CADM4: variants seen among roughly 807,000 people sequenced by gnomAD.
The protein encoded by CADM4 is TSLC1-like 2.
CADM4 carries 13 observed loss-of-function variants against 43.9 expected under a neutral mutation model. The ratio of observed to expected loss-of-function variants is 0.30; its 90% CI spans 0.19 to 0.47. The LOEUF (loss-of-function observed/expected upper bound fraction) is 0.47, where lower values mean the gene tolerates loss of function less well. CADM4 is among the 20% of genes least tolerant of loss of function. The pLI is 1.00. For synonymous variants in CADM4, 209 were observed against 220.9 expected, an observed-to-expected ratio of 0.95 and a Z score of 0.48; for missense variants, 420 against 527.0, an observed-to-expected ratio of 0.80 and a Z score of 1.99.
chr19:43,635,173 A>G (rs1331847388), intron 1 of CADM4, among the ~76,000 whole-genome samples: 1 of 151,874 alleles, frequency 6.6e-6, no homozygotes, highest in Non-Finnish European at 1.5e-5. Flanking sequence ...TGAGTCAGCG[A>G]ATACCCAAGG....
chr19:43,627,627 T>A lies in CADM4; in HGVS notation c.211+17A>T. Reference sequence around the variant, plus strand: ...TCTCTTCCTTTAAGACTCCTGAGTCTGGTCCCCAGCACTCACCACGGGTGC... The same window carrying A: ...TCTCTTCCTTTAAGACTCCTGAGTCAGGTCCCCAGCACTCACCACGGGTGC... On this transcript the variant is annotated intron_variant, in intron 2 of 8. Coordinates refer to ENST00000222374, the MANE Select transcript of CADM4 (RefSeq NM_145296.2). The surrounding 1 kb of genome is among the most constrained non-coding windows in gnomAD (Gnocchi z 4.0). The A allele has an allele frequency of 6.2e-7, 1 of 1,608,318 alleles. No individual in the cohort carries two copies. The highest frequency in any genetic ancestry group is 8.5e-7 in the Non-Finnish European group (1 of 1,175,392).
Position 43,624,155 on chromosome 19 carries a change from CAT to C in CADM4, c.1014_1015del (p.Ile338MetfsTer27). 6.2e-7 allele frequency: 1 copy of C among 1,614,226 alleles called. No homozygotes were observed. The highest frequency in any genetic ancestry group is 8.5e-7 in the Non-Finnish European group (1 of 1,180,050). The stretch of plus-strand genomic sequence containing the variant: ...GCACCAGACCATGCCCACTAGCACA[CAT>C]ATGATCAGAAACACCAGCAGCGCCA... On this transcript the variant is annotated frameshift_variant, in exon 8 of 9. Transcript: ENST00000222374. LOFTEE classifies it high-confidence loss of function.
At chr19:43,635,237 TCC>T (rs781183515) in intron 1 of CADM4, among the ~76,000 whole-genome samples, 1 of 151,896 alleles carries the variant, frequency 6.6e-6, no homozygotes, top group Non-Finnish European at 1.5e-5. Context: ...CTGTATCCGC[TCC>T]CCAGGGGGCT....
rs1973469703 is a variant in CADM4, at chr19:43,623,349, T to C, written c.1148A>G (p.Lys383Arg). The change falls in exon 9 of 9, where the codon AAA becomes AGA. Residue 383 changes from lysine (K) to arginine (R), a missense_variant. Transcript: ENST00000222374. This position sits in a 1 kb window ranked among gnomAD's most constrained non-coding sequence, Gnocchi z 4.4. The stretch of plus-strand genomic sequence containing the variant: ...ATAGGGTCAGATGAAGAATTCCTCT[T>C]TCCTCTTGTGTCCGTCGCTGCCATT... ...FLNGSDGHKRKEEFFI is the reference protein window; with the variant it reads ...FLNGSDGHKRREEFFI The C allele has an allele frequency of 6.2e-7, 1 of 1,613,900 alleles. No homozygotes were observed. The highest frequency in any genetic ancestry group is 8.5e-7 in the Non-Finnish European group (1 of 1,179,944).
chr19:43,627,792 T>C lies in CADM4; in HGVS notation c.65-2A>G. The C allele has an allele frequency of 6.2e-7, 1 of 1,605,642 alleles. No homozygotes were observed. The highest frequency in any genetic ancestry group is 8.5e-7 in the Non-Finnish European group (1 of 1,173,734). Reference sequence around the variant, plus strand: ...CTGTCTGTACTTCCTGTCCTGCCCCTGGACGATTAGACAAAGAGACAGGAT... The same window carrying C: ...CTGTCTGTACTTCCTGTCCTGCCCCCGGACGATTAGACAAAGAGACAGGAT... On this transcript the variant is annotated splice_acceptor_variant, in intron 1 of 8. Transcript: ENST00000222374. LOFTEE classifies it high-confidence loss of function. This position sits in a 1 kb window ranked among gnomAD's most constrained non-coding sequence, Gnocchi z 4.0.
At position 43,627,443 on chromosome 19, in the gene CADM4, G is replaced by A. The variant is rs542537933; in HGVS notation, c.212-125C>T. 2.1e-3 allele frequency: 2,656 copies of A among 1,285,624 alleles called. 6 individuals carry two copies. The highest frequency in any genetic ancestry group is 2.3e-3 in the Non-Finnish European group (2,184 of 951,688). The allele number at this position is 1,285,624 out of a possible 1,614,324, so 79.6% of individuals were successfully genotyped here. On this transcript the variant is annotated intron_variant, in intron 2 of 8. Coordinates refer to ENST00000222374, the MANE Select transcript of CADM4 (RefSeq NM_145296.2). This position sits in a 1 kb window ranked among gnomAD's most constrained non-coding sequence, Gnocchi z 4.0. Reference sequence around the variant, plus strand: ...CTCCAGCCATATCTATGAGTCTGAGGTGTCCAACTATTTACTCCCTTGAGG... The same window carrying A: ...CTCCAGCCATATCTATGAGTCTGAGATGTCCAACTATTTACTCCCTTGAGG...
Position 43,627,121 on chromosome 19 carries a change from G to A in CADM4, c.364+45C>T, listed in dbSNP as rs1973541769. The A allele has an allele frequency of 6.6e-7, 1 of 1,523,630 alleles. No homozygotes were observed. The highest frequency in any genetic ancestry group is 8.8e-7 in the Non-Finnish European group (1 of 1,132,164). 94.4% of individuals were successfully genotyped at this position (1,523,630 alleles called of 1,614,324 possible). Reference sequence around the variant, plus strand: ...AGTCTCAGGAGAAGAGAGAAGCAGAGAAGAAAGGAGGAGAGGATGCGTCTG... The same window carrying A: ...AGTCTCAGGAGAAGAGAGAAGCAGAAAAGAAAGGAGGAGAGGATGCGTCTG... On this transcript the variant is annotated intron_variant, in intron 3 of 8. Transcript: ENST00000222374. This position sits in a 1 kb window ranked among gnomAD's most constrained non-coding sequence, Gnocchi z 4.0.
Position 43,623,261 on chromosome 19 carries a change from G to A in CADM4, c.*69C>T, listed in dbSNP as rs1212024415. 2 of 1,110,580 alleles carry A rather than the reference G, an allele frequency of 1.8e-6. No homozygotes were observed. Among genetic ancestry groups the A allele is most frequent in the Non-Finnish European group, 2.7e-6 (2 of 728,372 alleles). 68.8% of individuals were successfully genotyped at this position (1,110,580 alleles called of 1,614,324 possible). The stretch of plus-strand genomic sequence containing the variant: ...CAGACTCTGGTAAATGTCTTTGCTG[G>A]TTCCTTGCAGCTGGCAGTGGGGGGG... On this transcript the variant is annotated 3_prime_UTR_variant, in exon 9 of 9. Transcript: ENST00000222374. This position sits in a 1 kb window ranked among gnomAD's most constrained non-coding sequence, Gnocchi z 4.4.
At chr19:43,624,366 T>A in intron 7 of CADM4, 124 bp from the exon 8 acceptor site, 1 of 1,223,358 alleles carries the variant, frequency 8.2e-7, no homozygotes, top group Non-Finnish European at 1.1e-6. Flanking sequence ...GCCACACCCC[T>A]CAAAAATTAC....
chr19:43,625,170 G>A lies in CADM4; in HGVS notation c.836C>T (p.Pro279Leu), dbSNP rs756783445. The A allele has an allele frequency of 3.7e-6, 6 of 1,614,132 alleles. No homozygotes were observed. Among genetic ancestry groups the A allele is most frequent in the South Asian group, 1.1e-5 (1 of 91,078 alleles). Residue 279 changes from proline to leucine, a missense_variant, in exon 7 of 9, where the codon CCG becomes CTG. Physicochemically the swap from Pro to Leu is moderately conservative, Grantham distance 98. Coordinates refer to ENST00000222374, the MANE Select transcript of CADM4 (RefSeq NM_145296.2). The surrounding 1 kb of genome is among the most constrained non-coding windows in gnomAD (Gnocchi z 4.5). The part of the protein sequence containing the change: ...AEAVGETLTL[P>L]GLVSADNGTY... The stretch of plus-strand genomic sequence containing the variant: ...GCCGTTATCCGCGGATACCAGACCC[G>A]GCAGCGTGAGCGTCTCTCCCACGGC...
At chr19:43,629,972 G>A (rs1229925107) in intron 1 of CADM4, among the ~76,000 whole-genome samples, 2 of 152,000 alleles carry the variant, frequency 1.3e-5, no homozygotes, top group South Asian at 2.1e-4. Flanking sequence ...GCAGTGGCAC[G>A]ATCTCAGCTC....
At position 43,623,869 on chromosome 19, in the gene CADM4, G is replaced by A. The variant is rs755140869; in HGVS notation, c.1057+245C>T. Among the ~76,000 whole-genome samples, 8 of 152,194 alleles carry A rather than the reference G, an allele frequency of 5.3e-5. No individual in the cohort carries two copies. The highest frequency in any genetic ancestry group is 1.2e-4 in the Non-Finnish European group (8 of 68,036). ...ATCCGCCTTGGCCTCCCAACGTGCT[G>A]GGATTACAGGCGTGAGCCACCGCGC... On this transcript the variant is annotated intron_variant, in intron 8 of 8. Coordinates refer to ENST00000222374, the MANE Select transcript of CADM4 (RefSeq NM_145296.2). The surrounding 1 kb of genome is among the most constrained non-coding windows in gnomAD (Gnocchi z 4.4).
At chr19:43,631,358 A>G (rs971535263) in intron 1 of CADM4, among the ~76,000 whole-genome samples, 1 of 151,974 alleles carries the variant, frequency 6.6e-6, no homozygotes, top group Non-Finnish European at 1.5e-5. Flanking sequence ...AAAAAAAAAA[A>G]AGAAATAAAT....
rs1444987255 is a variant in CADM4, at chr19:43,627,143, T to TCC, written c.364+22_364+23insGG. ...AGAGAAGAAAGGAGGAGAGGATGCG[T>TCC]CTGACAAGGGGGAGGGCGTTACCTA... On this transcript the variant is annotated intron_variant, in intron 3 of 8. Transcript: ENST00000222374. This position sits in a 1 kb window ranked among gnomAD's most constrained non-coding sequence, Gnocchi z 4.0. 6.5e-7 allele frequency: 1 copy of TCC among 1,541,252 alleles called. No individual in the cohort carries two copies. Among genetic ancestry groups the TCC allele is most frequent in the Non-Finnish European group, 8.8e-7 (1 of 1,140,228 alleles).
At chr19:43,629,069 T>C (rs1290707721) in intron 1 of CADM4, among the ~76,000 whole-genome samples, 1 of 152,264 alleles carries the variant, frequency 6.6e-6, no homozygotes, top group Non-Finnish European at 1.5e-5. Context: ...AATTAGGCTA[T>C]ACTTCCCAGC....
chr19:43,627,513 G>T lies in CADM4; in HGVS notation c.211+131C>A, dbSNP rs967823415. The T allele has an allele frequency of 8.0e-7, 1 of 1,248,092 alleles. No individual in the cohort carries two copies. Among genetic ancestry groups the T allele is most frequent in the Non-Finnish European group, 1.1e-6 (1 of 916,108 alleles). 77.3% of individuals were successfully genotyped at this position (1,248,092 alleles called of 1,614,324 possible). ...CTCCTGCCTGCAGGACCAGCAGTCC[G>T]GGACCCCAGCCCTTTCTTCTCCGAG... On this transcript the variant is annotated intron_variant, in intron 2 of 8. Transcript: ENST00000222374. This position sits in a 1 kb window ranked among gnomAD's most constrained non-coding sequence, Gnocchi z 4.0.
intron 1 of CADM4, 38 bp downstream of exon 1, chr19:43,639,689 C>A (rs951162017): frequency 6.1e-6 from 6 of 981,510 alleles, no homozygotes; most frequent in Non-Finnish European, 7.3e-6. Context: ...GCGCCCCCCG[C>A]CCCAGCCCGG....
intron 1 of CADM4, among the ~76,000 whole-genome samples, chr19:43,635,091 G>A (rs556455982): frequency 2.1e-4 from 31 of 148,438 alleles, no homozygotes; most frequent in African/African-American, 7.4e-4. Flanking sequence ...CAGGAGCCAG[G>A]GGTCCAGAGT....
intron 1 of CADM4, among the ~76,000 whole-genome samples, chr19:43,630,238 C>T (rs535460805): frequency 6.7e-5 from 10 of 149,096 alleles, no homozygotes; most frequent in African/African-American, 2.2e-4. Context: ...GCCCGGCCTG[C>T]GCTACTATTA....
Sources: allele counts gnomAD v4.1 joint callset (sites outside exome capture counted in the v4.1 genomes callset), GRCh38; gene constraint gnomAD v4.1.1; non-coding constraint Gnocchi (gnomAD v3.1); transcripts MANE v1.5; gene names NCBI Gene and HGNC (gene_info 2026-07-23, HGNC 2026-07-21).